The following GRID2 variants were observed in gnomAD, a reference collection of about 807,000 sequenced individuals.
The protein encoded by GRID2 is glutamate receptor ionotropic, delta-2.
In GRID2, 33 loss-of-function variants were observed where a neutral mutation model predicts 114.8. The ratio of observed to expected loss-of-function variants is 0.29; its 90% CI spans 0.22 to 0.38. GRID2 has a LOEUF of 0.38. Among genes scored for constraint, GRID2 ranks in the 10% least tolerant of loss-of-function variants. GRID2 has a pLI of 1.00. For synonymous variants in GRID2, 505 were observed against 449.9 expected, an observed-to-expected ratio of 1.12 and a Z score of -1.55; for missense variants, 1,184 against 1,257.7, an observed-to-expected ratio of 0.94 and a Z score of 0.89.
intron 13 of GRID2, among the ~76,000 whole-genome samples, chr4:93,625,643 C>T (rs1271882024): frequency 1.3e-5 from 2 of 152,192 alleles, no homozygotes; most frequent in African/African-American, 4.8e-5. Flanking sequence ...GGGCCGGGCG[C>T]GGTGGCTCAC....
chr4:92,411,643 G>GTATATATATATATATA (rs1452745976), intron 1 of GRID2, among the ~76,000 whole-genome samples: 1 of 95,548 alleles, frequency 1.0e-5, no homozygotes, highest in South Asian at 3.3e-4. Flanking sequence ...GTGTGTGTGT[G>GTATATATATATATATA]TGTGTGTGTG....
chr4:93,266,678 T>A (rs140325711), intron 8 of GRID2, among the ~76,000 whole-genome samples: 3,323 of 152,200 alleles, frequency 0.022, 103 homozygotes, highest in African/African-American at 0.068. Flanking sequence ...CCTCCCAAAG[T>A]GCTGGGATTA....
chr4:92,984,411 A>G (rs1457255035), intron 2 of GRID2, among the ~76,000 whole-genome samples: 1 of 152,234 alleles, frequency 6.6e-6, no homozygotes, highest in Non-Finnish European at 1.5e-5. Context: ...ACCTGTCTAC[A>G]TACAATTTTT....
chr4:92,697,049 A>C (rs899381578), intron 2 of GRID2, among the ~76,000 whole-genome samples: 1 of 152,172 alleles, frequency 6.6e-6, no homozygotes, highest in African/African-American at 2.4e-5. Flanking sequence ...CACTTCCTAC[A>C]TTTGAACGCT....
chr4:93,624,500 C>G (rs944794604), intron 13 of GRID2, among the ~76,000 whole-genome samples: 6 of 151,842 alleles, frequency 4.0e-5, no homozygotes, highest in African/African-American at 7.3e-5. Flanking sequence ...TTTTTTCTTC[C>G]TGGTTTACCA....
chr4:92,304,255 C>T lies in GRID2; in HGVS notation c.-402C>T, dbSNP rs985950586. 1 of 224,396 alleles carries T rather than the reference C, an allele frequency of 4.5e-6. No homozygotes were observed. Among genetic ancestry groups the T allele is most frequent in the Admixed American group, 5.4e-5 (1 of 18,634 alleles). The allele number at this position is 224,396 out of a possible 1,614,324, so 13.9% of individuals were successfully genotyped here. A position where few individuals can be genotyped will look rare whatever the true frequency, so the allele number is the denominator to read the frequency against. On this transcript the variant is annotated 5_prime_UTR_variant, in exon 1 of 16. Coordinates refer to ENST00000282020, the MANE Select transcript of GRID2 (RefSeq NM_001510.4). ...GAGGGTGCGGGGAAGGGGGCACATCCGGCGTGAGGGGGGTGTTGGAAGTTG... is the reference window on the plus strand; with the variant it reads ...GAGGGTGCGGGGAAGGGGGCACATCTGGCGTGAGGGGGGTGTTGGAAGTTG...
At chr4:93,742,076 A>G (rs1731470924) in intron 14 of GRID2, among the ~76,000 whole-genome samples, 1 of 152,126 alleles carries the variant, frequency 6.6e-6, no homozygotes, top group South Asian at 2.1e-4. Context: ...TAATCAATAC[A>G]ATTAAACTTT....
intron 1 of GRID2, among the ~76,000 whole-genome samples, chr4:92,362,668 T>C (rs532631022): frequency 1.9e-4 from 29 of 152,110 alleles, no homozygotes; most frequent in African/African-American, 6.5e-4. Context: ...TCAAACTAAG[T>C]TGAAATATTT....
chr4:93,694,193 A>C (rs1298586456), intron 14 of GRID2, among the ~76,000 whole-genome samples: 2 of 152,088 alleles, frequency 1.3e-5, no homozygotes, highest in African/African-American at 2.4e-5. Flanking sequence ...CTCCGTCTCA[A>C]TTGCACTTTC....
chr4:92,447,267 T>C (rs1257763986), intron 1 of GRID2, among the ~76,000 whole-genome samples: 1 of 152,110 alleles, frequency 6.6e-6, no homozygotes, highest in Admixed American at 6.6e-5. Context: ...TGAAAAAAAC[T>C]AGTCCAATGA....
rs559491854 is a variant in GRID2, at chr4:92,853,542, A to G, written c.245-231453A>G. ...TATCTCACCAGAATTTTGACTCCAT[A>G]AAATAAAGACACATGACTTCCTTTT... On this transcript the variant is annotated intron_variant, in intron 2 of 15. Transcript: ENST00000282020. Among the ~76,000 whole-genome samples the G allele has an allele frequency of 7.2e-5, 11 of 152,114 alleles. No individual in the cohort carries two copies. In the East Asian group the frequency reaches 2.1e-3, roughly 29 times the overall value.
At chr4:92,994,410 C>T (rs1448348226) in intron 2 of GRID2, among the ~76,000 whole-genome samples, 3 of 151,864 alleles carry the variant, frequency 2.0e-5, no homozygotes, top group Non-Finnish European at 2.9e-5. Context: ...TGGAGTGCAA[C>T]GGCGGGATCT....
intron 7 of GRID2, among the ~76,000 whole-genome samples, chr4:93,226,954 G>A (rs1745552174): frequency 6.6e-6 from 1 of 152,140 alleles, no homozygotes; most frequent in Admixed American, 6.6e-5. Context: ...GTCCACTTGA[G>A]CCACAACTAG....
chr4:92,866,526 G>T (rs533265823), intron 2 of GRID2, among the ~76,000 whole-genome samples: 1 of 151,872 alleles, frequency 6.6e-6, no homozygotes, highest in South Asian at 2.1e-4. Context: ...GGTGTTGTTA[G>T]AAATCATTGA....
At chr4:93,669,533 A>G (rs1462785931) in intron 14 of GRID2, among the ~76,000 whole-genome samples, 1 of 152,158 alleles carries the variant, frequency 6.6e-6, no homozygotes, top group African/African-American at 2.4e-5. Context: ...AACTAATGTC[A>G]GTAAAGCGAA....
chr4:92,646,188 T>A (rs1043806603), intron 2 of GRID2, among the ~76,000 whole-genome samples: 2 of 152,080 alleles, frequency 1.3e-5, no homozygotes, highest in African/African-American at 4.8e-5. Flanking sequence ...CTATAATTAA[T>A]AATGTGCCAT....
intron 2 of GRID2, among the ~76,000 whole-genome samples, chr4:92,936,172 T>TA (rs1219649784): frequency 6.8e-6 from 1 of 147,056 alleles, no homozygotes; most frequent in Non-Finnish European, 1.5e-5. Flanking sequence ...TTTCAATTGT[T>TA]ACATTTATAT....
At chr4:93,063,474 A>G (rs1216835972) in intron 2 of GRID2, among the ~76,000 whole-genome samples, 1 of 151,802 alleles carries the variant, frequency 6.6e-6, no homozygotes, top group African/African-American at 2.4e-5. Context: ...AACCAATCTC[A>G]TTTTCCTCCC....
At chr4:92,605,406 A>G (rs1729408825) in intron 2 of GRID2, among the ~76,000 whole-genome samples, 1 of 151,564 alleles carries the variant, frequency 6.6e-6, no homozygotes, top group Admixed American at 6.6e-5. Context: ...AATTTAATTC[A>G]AGTACTCAAG....
Sources: allele counts gnomAD v4.1 joint callset (sites outside exome capture counted in the v4.1 genomes callset), GRCh38; gene constraint gnomAD v4.1.1; transcripts MANE v1.5; gene names NCBI Gene and HGNC (gene_info 2026-07-23, HGNC 2026-07-21).